The following KIAA1217 variants were observed in gnomAD, a reference collection of about 807,000 sequenced individuals.
KIAA1217 encodes the protein sickle tail protein homolog.
KIAA1217 carries 88 observed loss-of-function variants against 163.9 expected under a neutral mutation model. That is an observed-to-expected ratio of 0.54 (90% CI 0.45 to 0.64). The LOEUF (loss-of-function observed/expected upper bound fraction) is 0.64, where lower values mean the gene tolerates loss of function less well. KIAA1217 is among the 30% of genes least tolerant of loss of function. The pLI, the probability that KIAA1217 is intolerant of heterozygous loss-of-function variation, is 0.00. For synonymous variants in KIAA1217, 903 were observed against 923.1 expected (o/e 0.98, Z 0.39); for missense variants, 2,372 against 2,475.0 (o/e 0.96, Z 0.88).
intron 1 of KIAA1217, among the ~76,000 whole-genome samples, chr10:23,968,759 G>T (rs905216767): frequency 5.9e-5 from 9 of 152,010 alleles, no homozygotes; most frequent in Admixed American, 4.6e-4. Flanking sequence ...CTTTAATTTT[G>T]CATCATGTTT....
chr10:24,450,444 T>A (rs765220867), intron 5 of KIAA1217, among the ~76,000 whole-genome samples: 13 of 152,230 alleles, frequency 8.5e-5, no homozygotes, highest in Admixed American at 2.0e-4. Context: ...AGAAATCTTG[T>A]TTACTTGAGA....
intron 14 of KIAA1217, 134 bp downstream of exon 14, chr10:24,528,253 T>C: frequency 5.9e-6 from 4 of 682,750 alleles, no homozygotes; most frequent in Non-Finnish European, 9.6e-6. Context: ...ATGTAAAACC[T>C]GGAAGAGCAA....
At chr10:24,155,898 T>C (rs1358702443) in intron 2 of KIAA1217, among the ~76,000 whole-genome samples, 2 of 152,166 alleles carry the variant, frequency 1.3e-5, no homozygotes, top group Non-Finnish European at 2.9e-5. Context: ...GAAGTTGAGC[T>C]AAGAGTTTTC....
At position 23,712,361 on chromosome 10, in the gene KIAA1217, A is replaced by G. The variant is rs139669282; in HGVS notation, c.-321+17127A>G. On this transcript the variant is annotated intron_variant, in intron 1 of 18. Transcript: ENST00000376462. ...CTTAGAAATGGAGAAATAACTCAGTATGATAGTCAGCAGCAAGCCAAGATG... is the reference window on the plus strand; with the variant it reads ...CTTAGAAATGGAGAAATAACTCAGTGTGATAGTCAGCAGCAAGCCAAGATG... 1.8e-4 allele frequency among the ~76,000 whole-genome samples: 28 copies of G among 151,938 alleles called. No individual in the cohort carries two copies. In the East Asian group the frequency reaches 5.5e-3, roughly 30 times the overall value.
At chr10:23,977,303 T>C (rs1278358922) in intron 1 of KIAA1217, among the ~76,000 whole-genome samples, 1 of 152,184 alleles carries the variant, frequency 6.6e-6, no homozygotes, top group East Asian at 1.9e-4. Context: ...AACCTGAAGT[T>C]TCTAAAACAC....
intron 1 of KIAA1217, among the ~76,000 whole-genome samples, chr10:23,906,643 C>T (rs2131258952): frequency 6.6e-6 from 1 of 152,040 alleles, no homozygotes; most frequent in South Asian, 2.1e-4. Flanking sequence ...AGACTAAATC[C>T]CCAACATGCA....
chr10:24,150,202 C>T (rs1017441930), intron 2 of KIAA1217, among the ~76,000 whole-genome samples: 78 of 151,934 alleles, frequency 5.1e-4, no homozygotes, highest in African/African-American at 1.8e-3. Flanking sequence ...TTTTTAGTAG[C>T]GATGGGGTTT....
chr10:24,501,926 G>A (rs1198440121), intron 9 of KIAA1217, among the ~76,000 whole-genome samples: 1 of 151,062 alleles, frequency 6.6e-6, no homozygotes, highest in Non-Finnish European at 1.5e-5. Flanking sequence ...TTTTTTCTAT[G>A]TTTTAGTAGA....
rs749825678 is a variant in KIAA1217 at position 23,815,429 on chromosome 10, A to G, written c.-321+120195A>G. The stretch of plus-strand genomic sequence containing the variant: ...GGAGGCCGAGGTGGGCGGATCACAA[A>G]GTCAGGAGATCCAGACCATCCTGGC... On this transcript the variant is annotated intron_variant, in intron 1 of 18. Transcript: ENST00000376462. 6.4e-4 allele frequency among the ~76,000 whole-genome samples: 97 copies of G among 152,176 alleles called. 1 individual carries two copies. The highest frequency in any genetic ancestry group is 1.4e-3 in the Admixed American group (22 of 15,276).
At chr10:23,988,386 A>G (rs927806781) in intron 1 of KIAA1217, among the ~76,000 whole-genome samples, 6 of 152,208 alleles carry the variant, frequency 3.9e-5, no homozygotes, top group African/African-American at 1.4e-4. Flanking sequence ...GGGGTCTCTG[A>G]AATTTCCTGA....
chr10:24,098,524 A>G (rs576783249), intron 2 of KIAA1217, among the ~76,000 whole-genome samples: 8 of 152,258 alleles, frequency 5.3e-5, no homozygotes, highest in African/African-American at 1.9e-4. Context: ...CCAAAGGCCA[A>G]AAGCTACAGC....
At chr10:24,052,745 G>A (rs555615988) in intron 2 of KIAA1217, among the ~76,000 whole-genome samples, 3 of 151,780 alleles carry the variant, frequency 2.0e-5, no homozygotes, top group Non-Finnish European at 2.9e-5. Context: ...TTTTATTTGG[G>A]GCTATGTCTC....
In KIAA1217 at chr10:24,234,502, A is replaced by G. The variant is rs140201039; in HGVS notation, c.354+14593A>G. On this transcript the variant is annotated intron_variant, in intron 2 of 20. Transcript: ENST00000376454. The stretch of plus-strand genomic sequence containing the variant: ...AATATGGTGAAACCCTGTCTCTACT[A>G]AAAATGCAAAAGTTAGCTGGGTGTG... 2.5e-3 allele frequency among the ~76,000 whole-genome samples: 383 copies of G among 152,052 alleles called. 3 individuals carry two copies. Among genetic ancestry groups the G allele is most frequent in the African/African-American group, 8.8e-3 (366 of 41,464 alleles).
At chr10:24,454,899 C>T (rs1387179399) in intron 5 of KIAA1217, among the ~76,000 whole-genome samples, 1 of 151,368 alleles carries the variant, frequency 6.6e-6, no homozygotes, top group Non-Finnish European at 1.5e-5. Context: ...CAACACAACT[C>T]GCTCACCAGA....
chr10:24,058,651 G>C (rs1021815204), intron 2 of KIAA1217, among the ~76,000 whole-genome samples: 1 of 151,978 alleles, frequency 6.6e-6, no homozygotes, highest in Non-Finnish European at 1.5e-5. Flanking sequence ...GGATGCTATT[G>C]TAAATGGGAT....
chr10:24,543,678 G>A lies in KIAA1217; in HGVS notation c.4408G>A (p.Glu1470Lys), dbSNP rs2075371250. The A allele has an allele frequency of 6.2e-7, 1 of 1,613,942 alleles. No homozygotes were observed. Among genetic ancestry groups the A allele is most frequent in the Non-Finnish European group, 8.5e-7 (1 of 1,179,860 alleles). The change falls in exon 19 of 21, where the codon GAA becomes AAA. Residue 1470 changes from glutamate to lysine, a missense_variant. Around this residue, in one of 3 missense-constraint regions of KIAA1217, gnomAD observed 690 missense variants for 677.5 expected, o/e 1.02. Transcript: ENST00000376454. ...AACTATCTTTGAGGAATGTGATGAGGAATTAGAGAGAATGATGATGGAGGA... is the reference window on the plus strand; with the variant it reads ...AACTATCTTTGAGGAATGTGATGAGAAATTAGAGAGAATGATGATGGAGGA... ...LSTIFEECDE[E>K]LERMMMEEKI...
At chr10:24,349,109 G>A (rs1410560771) in intron 2 of KIAA1217, among the ~76,000 whole-genome samples, 1 of 147,762 alleles carries the variant, frequency 6.8e-6, no homozygotes, top group Non-Finnish European at 1.5e-5. Flanking sequence ...CCCCAGCCAG[G>A]GCAACAGAAT....
intron 5 of KIAA1217, among the ~76,000 whole-genome samples, chr10:24,471,330 T>G (rs1346014951): frequency 6.6e-6 from 1 of 152,130 alleles, no homozygotes; most frequent in Non-Finnish European, 1.5e-5. Context: ...GACTGTGGGC[T>G]CCTGTGACCT....
intron 2 of KIAA1217, among the ~76,000 whole-genome samples, chr10:24,111,120 A>C (rs562754855): frequency 1.3e-5 from 2 of 152,344 alleles, no homozygotes; most frequent in South Asian, 2.1e-4. Flanking sequence ...ATTCTTATAC[A>C]TTATGGGAAC....
Sources: allele counts gnomAD v4.1 joint callset (sites outside exome capture counted in the v4.1 genomes callset), GRCh38; gene constraint gnomAD v4.1.1; regional missense constraint gnomAD v4.1.1; transcripts MANE v1.5; gene names NCBI Gene and HGNC (gene_info 2026-07-23, HGNC 2026-07-21).